Variants in MBOAT4 observed in about 807,000 individuals in gnomAD.
The protein encoded by MBOAT4 is membrane-bound ghrelin O-acyltransferase MBOAT4.
In MBOAT4, 11 loss-of-function variants were observed where a neutral mutation model predicts 13.2. That is an observed-to-expected ratio of 0.84 (90% CI 0.53 to 1.38). The LOEUF (loss-of-function observed/expected upper bound fraction) is 1.38, where lower values mean the gene tolerates loss of function less well. Among genes scored for constraint, MBOAT4 ranks in the 40% most tolerant of loss-of-function variants. MBOAT4 has a pLI of 0.00. For synonymous variants in MBOAT4, 202 were observed against 210.3 expected (o/e 0.96, Z 0.34); for missense variants, 481 against 527.2 (o/e 0.91, Z 0.86).
At chr8:30,134,745 G>A (rs1476196834) in intron 2 of MBOAT4, among the ~76,000 whole-genome samples, 5 of 152,032 alleles carry the variant, frequency 3.3e-5, no homozygotes, top group Admixed American at 2.6e-4. Flanking sequence ...ACAGGGTTTC[G>A]CCATGTCTGC....
At chr8:30,137,852 T>C (rs7843645) in intron 2 of MBOAT4, 233,538 of 267,400 alleles carry the variant, frequency 0.87, 103,152 homozygotes, top group South Asian at 0.95. Flanking sequence ...TTAGGAGTCA[T>C]GCAGCTGGAG....
rs780537237 is a variant in MBOAT4 at position 30,132,317 on chromosome 8, G to A, written c.934C>T (p.Arg312Ter). 8.6e-5 allele frequency: 134 copies of A among 1,551,734 alleles called. 1 individual carries two copies. The South Asian group carries it at 1.3e-3, about 15-fold the overall frequency. Residue 312 changes from arginine to a stop codon, truncating the protein, a stop_gained, in exon 3 of 3, where the codon CGA (arginine) becomes TGA (stop). Transcript: ENST00000320542. LOFTEE classifies it low-confidence loss of function (END_TRUNC). ...TGGAATACAAGCCGTCGGAGCCATC[G>A]AGCTGTGCTTTGGTTCCACTTTCTT... ...FSRKWNQSTARWLRRLVFQHS... is the reference protein window; with the variant it reads ...FSRKWNQSTA
At chr8:30,137,850 C>CA (rs1400039245) in intron 2 of MBOAT4, 1 of 297,980 alleles carries the variant, frequency 3.4e-6, no homozygotes, top group African/African-American at 2.2e-5. Context: ...GTTTAGGAGT[C>CA]ATGCAGCTGG....
chr8:30,135,411 G>A (rs905613789), intron 2 of MBOAT4, among the ~76,000 whole-genome samples: 1 of 152,192 alleles, frequency 6.6e-6, no homozygotes, highest in Non-Finnish European at 1.5e-5. Context: ...ACTCGGTAGT[G>A]AAGAAAAGAT....
chr8:30,141,720 A>G (rs1160925219), intron 1 of MBOAT4, among the ~76,000 whole-genome samples: 1 of 152,204 alleles, frequency 6.6e-6, no homozygotes, highest in Non-Finnish European at 1.5e-5. Flanking sequence ...ACTCGCTGGG[A>G]AAGCGACTCA....
intron 2 of MBOAT4, among the ~76,000 whole-genome samples, chr8:30,134,472 C>T (rs1220207870): frequency 1.3e-5 from 2 of 152,040 alleles, no homozygotes; most frequent in Non-Finnish European, 2.9e-5. Context: ...CTTCCTTTAC[C>T]TACCTGAAAA....
chr8:30,140,551 A>G (rs570710004), intron 1 of MBOAT4, among the ~76,000 whole-genome samples: 5 of 152,282 alleles, frequency 3.3e-5, no homozygotes, highest in African/African-American at 1.2e-4. Context: ...TTTTCTTTAC[A>G]TAATCCAGGG....
At position 30,132,034 on chromosome 8, in the gene MBOAT4, C is replaced by A; in HGVS notation, c.1217G>T (p.Trp406Leu). ...ACTGTTGTACGAATTACAGAGCAACCAGAGAGAGGAGAGACTCCTGACCTC... is the reference window on the plus strand; with the variant it reads ...ACTGTTGTACGAATTACAGAGCAACAAGAGAGAGGAGAGACTCCTGACCTC... ...AVEVRSLSSL[W>L]LLCNSYNSVF... is the part of the protein sequence containing the mutation. The change falls in exon 3 of 3, where the codon TGG (tryptophan) becomes TTG (leucine). Residue 406 changes from tryptophan (W) to leucine (L), a missense_variant. Trp to Leu is a moderately conservative substitution (Grantham distance 61). Transcript: ENST00000320542. 1 of 1,551,804 alleles carries A rather than the reference C, an allele frequency of 6.4e-7. No homozygotes were observed. Among genetic ancestry groups the A allele is most frequent in the Non-Finnish European group, 8.7e-7 (1 of 1,147,042 alleles).
chr8:30,139,433 G>A (rs1803224006), intron 1 of MBOAT4, among the ~76,000 whole-genome samples: 1 of 152,122 alleles, frequency 6.6e-6, no homozygotes. Context: ...TGTGAACCTA[G>A]TGTCAAGGAT....
intron 1 of MBOAT4, among the ~76,000 whole-genome samples, chr8:30,143,050 C>T (rs886449320): frequency 6.6e-6 from 1 of 152,150 alleles, no homozygotes; most frequent in Non-Finnish European, 1.5e-5. Context: ...GAAAAACTAA[C>T]TCTTGGGTAC....
intron 2 of MBOAT4, among the ~76,000 whole-genome samples, chr8:30,134,688 C>T (rs1803101401): frequency 6.6e-6 from 1 of 151,392 alleles, no homozygotes; most frequent in Admixed American, 6.6e-5. Context: ...GCTGGAATTA[C>T]AGGTGCACGC....
intron 1 of MBOAT4, among the ~76,000 whole-genome samples, chr8:30,141,078 C>A (rs190844445): frequency 4.9e-4 from 74 of 152,184 alleles, no homozygotes; most frequent in African/African-American, 1.8e-3. Flanking sequence ...CAGACTCATG[C>A]AATCCTCTTG....
chr8:30,144,083 T>C (rs1175631259), intron 1 of MBOAT4, among the ~76,000 whole-genome samples: 1 of 152,214 alleles, frequency 6.6e-6, no homozygotes, highest in African/African-American at 2.4e-5. Flanking sequence ...ATTAATATAT[T>C]GTAATCTTCA....
intron 2 of MBOAT4, 93 bp from the exon 3 acceptor site, chr8:30,132,999 G>T: frequency 7.7e-7 from 1 of 1,290,394 alleles, no homozygotes; most frequent in Non-Finnish European, 1.0e-6. Flanking sequence ...GCAGGAAATA[G>T]ATAGGTCTGT....
At position 30,144,508 on chromosome 8, in the gene MBOAT4, T is replaced by C. The variant is rs753247127; in HGVS notation, c.94A>G (p.Met32Val). ...FALLFNYLCI[M>V]DSFSTRARYL... ...CTGGCACGAGTGGAGAATGAATCCA[T>C]GATGCAGAGATAATTGAAGAGAAGT... Residue 32 changes from methionine to valine, a missense_variant, in exon 1 of 3, where the codon ATG becomes GTG. Transcript: ENST00000320542. 3 of 1,550,626 alleles carry C rather than the reference T, an allele frequency of 1.9e-6. No homozygotes were observed. The highest frequency in any genetic ancestry group is 1.2e-5 in the South Asian group (1 of 84,042).
rs1563220600 is a variant in MBOAT4 at position 30,132,533 on chromosome 8, A to G, written c.718T>C (p.Cys240Arg). The change falls in exon 3 of 3, where the codon TGC (cysteine) becomes CGC (arginine). Residue 240 changes from cysteine (C) to arginine (R), a missense_variant. Cys to Arg is a radical substitution (Grantham distance 180). Coordinates refer to ENST00000320542, the MANE Select transcript of MBOAT4 (RefSeq NM_001100916.2). ...AGLTDCQQFE[C>R]IYVVWTTAGL... Reference sequence around the variant, plus strand: ...GCTGTGGTCCACACGACATAGATGCACTCGAATTGCTGGCAATCAGTCAGT... The same window carrying G: ...GCTGTGGTCCACACGACATAGATGCGCTCGAATTGCTGGCAATCAGTCAGT... 6.4e-7 allele frequency: 1 copy of G among 1,551,644 alleles called. No homozygotes were observed. Among genetic ancestry groups the G allele is most frequent in the Non-Finnish European group, 8.7e-7 (1 of 1,146,994 alleles).
At chr8:30,140,643 T>C (rs1250905192) in intron 1 of MBOAT4, among the ~76,000 whole-genome samples, 1 of 152,218 alleles carries the variant, frequency 6.6e-6, no homozygotes, top group African/African-American at 2.4e-5. Context: ...TTATATATCA[T>C]GTCCATGAGA....
rs1332188072 is a variant in MBOAT4, at chr8:30,138,869, G to A, written c.120-113C>T. On this transcript the variant is annotated intron_variant, in intron 1 of 2. Transcript: ENST00000320542. ...TGGTAGGCCCCACACAACACCTAAA[G>A]TAGCCATGCTGTTTGCACTCTGGGG... 4 of 731,870 alleles carry A rather than the reference G, an allele frequency of 5.5e-6. No individual in the cohort carries two copies. In the Admixed American group the frequency reaches 1.0e-4, roughly 19 times the overall value. 45.3% of individuals were successfully genotyped at this position (731,870 alleles called of 1,614,324 possible). A position where few individuals can be genotyped will look rare whatever the true frequency, so the allele number is the denominator to read the frequency against.
At position 30,143,541 on chromosome 8, in the gene MBOAT4, C is replaced by T. The variant is rs914352064; in HGVS notation, c.119+942G>A. Among the ~76,000 whole-genome samples, 5 of 152,146 alleles carry T rather than the reference C, an allele frequency of 3.3e-5. No individual in the cohort carries two copies. In the East Asian group the frequency reaches 7.7e-4, roughly 23 times the overall value. ...TTTGACTATGTTAAAAACATAAAAT[C>T]TTATATGAGCAATCTAAAAAAATAG... is the stretch of plus-strand genomic sequence containing the variant. On this transcript the variant is annotated intron_variant, in intron 1 of 2. Coordinates refer to ENST00000320542, the MANE Select transcript of MBOAT4 (RefSeq NM_001100916.2).
Sources: gnomAD v4.1 joint callset for allele counts (sites outside exome capture counted in the v4.1 genomes callset) on GRCh38, gnomAD v4.1.1 for gene constraint, MANE v1.5 for transcripts, NCBI Gene and HGNC (gene_info 2026-07-23, HGNC 2026-07-21) for gene names.